The following NR6A1 variants were observed in gnomAD, a reference collection of about 807,000 sequenced individuals.
NR6A1 encodes the protein nuclear receptor subfamily 6 group A member 1.
A neutral mutation model predicts 59.1 loss-of-function variants in NR6A1; 7 were observed. The ratio of observed to expected loss-of-function variants is 0.12; its 90% CI spans 0.07 to 0.22. The LOEUF is 0.22. Among genes scored for constraint, NR6A1 ranks in the 10% least tolerant of loss-of-function variants. NR6A1 has a pLI of 1.00. For synonymous variants in NR6A1, 243 were observed against 236.1 expected, an observed-to-expected ratio of 1.03 and a Z score of -0.27; for missense variants, 468 against 611.6, an observed-to-expected ratio of 0.77 and a Z score of 2.48.
rs767988049 is a variant in NR6A1 at position 124,524,859 on chromosome 9, T to G, written c.1216A>C (p.Thr406Pro). The G allele has an allele frequency of 1.5e-5, 24 of 1,611,430 alleles. 2 individuals are homozygous for G. The South Asian group carries it at 2.5e-4, about 17-fold the overall frequency. The change falls in exon 9 of 10, where the codon ACC (threonine) becomes CCC (proline). Residue 406 changes from threonine to proline, a missense_variant. Thr to Pro is a conservative substitution (Grantham distance 38). Transcript: ENST00000487099. ...AATTGTTCCAGCTGTGAGGCACTGG[T>G]CAGACCCCTGATATCTGTGGAAAAA... ...NFLNQDIRGLTSASQLEQLNK... is the reference protein window; with the variant it reads ...NFLNQDIRGLPSASQLEQLNK...
At chr9:124,646,427 G>A (rs1270192156) in intron 2 of NR6A1, among the ~76,000 whole-genome samples, 2 of 152,138 alleles carry the variant, frequency 1.3e-5, no homozygotes, top group Admixed American at 1.3e-4. Flanking sequence ...AACAGTGTCT[G>A]TCAATCGTAC....
At chr9:124,598,895 C>T in intron 2 of NR6A1, 3 of 705,114 alleles carry the variant, frequency 4.3e-6, no homozygotes, top group South Asian at 1.5e-5. Flanking sequence ...ATTCAGGAAG[C>T]GGATGGCCAG....
intron 2 of NR6A1, among the ~76,000 whole-genome samples, chr9:124,623,847 C>T (rs1053296603): frequency 1.3e-5 from 2 of 152,210 alleles, no homozygotes; most frequent in African/African-American, 4.8e-5. Flanking sequence ...TAACCACCCA[C>T]TAACATCTGT....
chr9:124,709,314 C>T (rs1839211451), intron 2 of NR6A1, among the ~76,000 whole-genome samples: 1 of 152,152 alleles, frequency 6.6e-6, no homozygotes, highest in Non-Finnish European at 1.5e-5. Flanking sequence ...TTTACCATAG[C>T]TCCTGAAAGG....
chr9:124,665,155 C>G (rs79845616), intron 2 of NR6A1, among the ~76,000 whole-genome samples: 1,538 of 148,850 alleles, frequency 0.01, 25 homozygotes, highest in African/African-American at 0.036. Context: ...CACTGCACTA[C>G]AGCCAGGGTG....
rs547901186 is a variant in NR6A1 at position 124,538,007 on chromosome 9, G to A, written c.824+85C>T. 1.1e-4 allele frequency: 116 copies of A among 1,095,348 alleles called. 1 individual carries two copies. The African/African-American group carries it at 1.6e-3, about 15-fold the overall frequency. The allele number at this position is 1,095,348 out of a possible 1,614,324, so 67.9% of individuals were successfully genotyped here. On this transcript the variant is annotated intron_variant, in intron 6 of 9. Coordinates refer to ENST00000487099, the MANE Select transcript of NR6A1 (RefSeq NM_033334.4). ...TCCCCCCAACTCATTCTGAAGCCAC[G>A]GGTATAGGAGCCAGGGACGCGAGTG...
At chr9:124,558,739 G>A (rs923738349) in intron 2 of NR6A1, among the ~76,000 whole-genome samples, 14 of 152,050 alleles carry the variant, frequency 9.2e-5, no homozygotes, top group Non-Finnish European at 1.6e-4. Flanking sequence ...AAAAGTCTAT[G>A]TTCCTAACCA....
chr9:124,548,441 G>A (rs1833668381), intron 3 of NR6A1, among the ~76,000 whole-genome samples: 1 of 152,134 alleles, frequency 6.6e-6, no homozygotes, highest in South Asian at 2.1e-4. Context: ...CTCAGTTCAA[G>A]AGCTGCCTGG....
In NR6A1 at chr9:124,608,947, G is replaced by A. The variant is rs576464180; in HGVS notation, c.143-54377C>T. On this transcript the variant is annotated intron_variant, in intron 2 of 9. Transcript: ENST00000487099. ...GTTGGCTACATAAATGTCTTATTTTGAGAAGTGTCTGTTCATGTCCTTTGC... is the reference window on the plus strand; with the variant it reads ...GTTGGCTACATAAATGTCTTATTTTAAGAAGTGTCTGTTCATGTCCTTTGC... Among the ~76,000 whole-genome samples the A allele has an allele frequency of 6.6e-5, 10 of 152,278 alleles. No individual in the cohort carries two copies. The South Asian group carries it at 1.5e-3, about 22-fold the overall frequency.
intron 2 of NR6A1, among the ~76,000 whole-genome samples, chr9:124,645,919 T>C (rs563466934): frequency 1.0e-3 from 152 of 152,292 alleles, no homozygotes; most frequent in African/African-American, 3.3e-3. Flanking sequence ...AATCGTACAA[T>C]GTTTGCTCTC....
At chr9:124,554,113 G>A (rs1367885203) in intron 3 of NR6A1, among the ~76,000 whole-genome samples, 1 of 152,164 alleles carries the variant, frequency 6.6e-6, no homozygotes, top group Admixed American at 6.5e-5. Flanking sequence ...CACAGGGCCT[G>A]TGCACTCATT....
At chr9:124,609,031 G>A (rs1203640596) in intron 2 of NR6A1, among the ~76,000 whole-genome samples, 1 of 152,036 alleles carries the variant, frequency 6.6e-6, no homozygotes, top group East Asian at 1.9e-4. Context: ...GTAGATTCTG[G>A]ATATTACATC....
intron 2 of NR6A1, among the ~76,000 whole-genome samples, chr9:124,632,319 G>A (rs535903709): frequency 3.3e-5 from 5 of 152,230 alleles, no homozygotes; most frequent in African/African-American, 1.2e-4. Context: ...CGACAATCTT[G>A]CCAGCGTCTG....
At chr9:124,711,936 C>T (rs1839291512) in intron 2 of NR6A1, among the ~76,000 whole-genome samples, 1 of 152,220 alleles carries the variant, frequency 6.6e-6, no homozygotes, top group Non-Finnish European at 1.5e-5. Flanking sequence ...TTTGTACATG[C>T]TCTTAGAATG....
intron 3 of NR6A1, among the ~76,000 whole-genome samples, chr9:124,550,773 T>A (rs1330988137): frequency 6.6e-6 from 1 of 152,134 alleles, no homozygotes; most frequent in Non-Finnish European, 1.5e-5. Context: ...AGGGCTCAAG[T>A]GATCCTCTTG....
At chr9:124,722,234 C>G (rs1378898331) in intron 2 of NR6A1, among the ~76,000 whole-genome samples, 2 of 152,170 alleles carry the variant, frequency 1.3e-5, no homozygotes, top group Non-Finnish European at 2.9e-5. Flanking sequence ...ATTTTATATG[C>G]TATAATCCTT....
At position 124,553,535 on chromosome 9, in the gene NR6A1, G is replaced by C. The variant is rs147885973; in HGVS notation, c.385+793C>G. Among the ~76,000 whole-genome samples, 729 of 100,764 alleles carry C rather than the reference G, an allele frequency of 7.2e-3. 6 individuals are homozygous for C. Among genetic ancestry groups the C allele is most frequent in the African/African-American group, 0.027 (689 of 25,154 alleles). The allele number at this position is 100,764 out of a possible 152,430, so 66.1% of individuals were successfully genotyped here. On this transcript the variant is annotated intron_variant, in intron 3 of 9. Coordinates refer to ENST00000487099, the MANE Select transcript of NR6A1 (RefSeq NM_033334.4). The stretch of plus-strand genomic sequence containing the variant: ...GAGGGTCCTATAGAGAAATCACCCT[G>C]CTTTTTAGCTTGACTTTTTTTTTTT...
At chr9:124,770,031 G>A (rs1392293941) in intron 1 of NR6A1, 1 of 152,388 alleles carries the variant, frequency 6.6e-6, no homozygotes, top group Non-Finnish European at 1.5e-5. Context: ...AGGAACCTGA[G>A]GACCCGGCCC....
rs552964804 is a variant in NR6A1, at chr9:124,642,640, C to T, written c.143-88070G>A. ...TGCCAAATCAACCCCAGTTGAGAGC[C>T]ATGTAACACTGTTTCTGGCATATAA... On this transcript the variant is annotated intron_variant, in intron 2 of 9. Coordinates refer to ENST00000487099, the MANE Select transcript of NR6A1 (RefSeq NM_033334.4). Among the ~76,000 whole-genome samples, 3 of 152,228 alleles carry T rather than the reference C, an allele frequency of 2.0e-5. No individual in the cohort carries two copies. The South Asian group carries it at 6.2e-4, about 32-fold the overall frequency.
Sources: gnomAD v4.1 joint callset for allele counts (sites outside exome capture counted in the v4.1 genomes callset) on GRCh38, gnomAD v4.1.1 for gene constraint, MANE v1.5 for transcripts, NCBI Gene and HGNC (gene_info 2026-07-23, HGNC 2026-07-21) for gene names.